XDH: variants seen among roughly 807,000 people sequenced by gnomAD.
XDH encodes xanthine dehydrogenase/oxidase.
In XDH, 138 loss-of-function variants were observed where a neutral mutation model predicts 156.1. The observed-to-expected ratio is 0.88, with a 90% CI of 0.77 to 1.02. The LOEUF is 1.02. Among genes scored for constraint, XDH ranks in the 50% least tolerant of loss-of-function variants. The probability of loss-of-function intolerance (pLI) is 0.00; values close to 1 mark genes in which losing one functional copy is unlikely to be tolerated. For synonymous variants in XDH, 669 were observed against 625.7 expected, an observed-to-expected ratio of 1.07 and a Z score of -1.03; for missense variants, 1,849 against 1,684.9, an observed-to-expected ratio of 1.10 and a Z score of -1.71.
chr2:31,398,282 G>A (rs1006467743), intron 5 of XDH, among the ~76,000 whole-genome samples: 1 of 152,174 alleles, frequency 6.6e-6, no homozygotes, highest in Non-Finnish European at 1.5e-5. Flanking sequence ...ACGTCTTCCT[G>A]CACCAGCCAT....
At chr2:31,400,836 G>T (rs191400984) in intron 4 of XDH, among the ~76,000 whole-genome samples, 99 of 152,292 alleles carry the variant, frequency 6.5e-4, no homozygotes, top group African/African-American at 2.1e-3. Context: ...TAAACAAGGG[G>T]CACAGATAAT....
chr2:31,350,312 C>T (rs981292570), intron 24 of XDH, 89 bp from the exon 25 acceptor site: 2 of 1,298,816 alleles, frequency 1.5e-6, no homozygotes, highest in South Asian at 1.2e-5. Flanking sequence ...GTATCCATTG[C>T]CTGCCTTTCC....
At chr2:31,405,493 A>ATGTTCC (rs1221649899) in intron 2 of XDH, among the ~76,000 whole-genome samples, 1 of 151,976 alleles carries the variant, frequency 6.6e-6, no homozygotes, top group Non-Finnish European at 1.5e-5. Flanking sequence ...CAATAGACAC[A>ATGTTCC]TGTTCCCTTG....
rs547746467 is a variant in XDH, at chr2:31,336,974, C to T, written c.3951+667G>A. Among the ~76,000 whole-genome samples the T allele has an allele frequency of 2.7e-5, 4 of 150,298 alleles. No individual in the cohort carries two copies. The East Asian group carries it at 8.0e-4, about 30-fold the overall frequency. On this transcript the variant is annotated intron_variant, in intron 35 of 35. Transcript: ENST00000379416. ...AGATCCCCAAAGCGGAAGCAACCGT[C>T]CTAGCAAAGTCTTCTTTTGTTAGGC...
rs890440731 is a variant in XDH, at chr2:31,335,063, A to C, written c.*895T>G. 6.6e-6 allele frequency: 1 copy of C among 152,042 alleles called. No homozygotes were observed. Among genetic ancestry groups the C allele is most frequent in the African/African-American group, 2.4e-5 (1 of 41,380 alleles). The allele number at this position is 152,042 out of a possible 1,614,324, so 9.4% of individuals were successfully genotyped here. On this transcript the variant is annotated 3_prime_UTR_variant, in exon 36 of 36. Transcript: ENST00000379416. Reference sequence around the variant, plus strand: ...TAAAAAAATTTTTTTTAAAGACAGGAGCTCTCTATGTTGCCCAGGCTGGTC... The same window carrying C: ...TAAAAAAATTTTTTTTAAAGACAGGCGCTCTCTATGTTGCCCAGGCTGGTC...
intron 2 of XDH, among the ~76,000 whole-genome samples, chr2:31,405,175 C>T (rs960500472): frequency 5.3e-5 from 8 of 152,156 alleles, no homozygotes; most frequent in East Asian, 1.9e-4. Flanking sequence ...GGGAGTGTTA[C>T]GCTTCCATGG....
Position 31,348,265 on chromosome 2 carries a change from C to A in XDH, c.3147+3G>T, listed in dbSNP as rs771022933. 6.2e-7 allele frequency: 1 copy of A among 1,613,902 alleles called. No individual in the cohort carries two copies. On this transcript the variant is annotated splice_donor_region_variant and intron_variant, in intron 28 of 35. Coordinates refer to ENST00000379416, the MANE Select transcript of XDH (RefSeq NM_000379.4). ...CACAACACTGCCAGAGAGGGCTGCT[C>A]ACCTGGACCATTTTGGTATGAAGGC...
At chr2:31,342,909 CA>C (rs1208523612) in intron 31 of XDH, among the ~76,000 whole-genome samples, 1 of 152,146 alleles carries the variant, frequency 6.6e-6, no homozygotes, top group Non-Finnish European at 1.5e-5. Flanking sequence ...GTACCTTATA[CA>C]ATTCCACTTT....
Position 31,366,929 on chromosome 2 carries a change from T to C in XDH, c.2263A>G (p.Lys755Glu), listed in dbSNP as rs2148768054. ...AGCTCCATCTCCCCTGCCTCGCCTT[T>C]TGGAACAGCAATGGTGCAGTGAGTC... ...LETHCTIAVP[K>E]GEAGEMELFV... Residue 755 changes from lysine to glutamate, a missense_variant, in exon 21 of 36, where the codon AAA becomes GAA. Coordinates refer to ENST00000379416, the MANE Select transcript of XDH (RefSeq NM_000379.4). 6.2e-7 allele frequency: 1 copy of C among 1,614,254 alleles called. No individual in the cohort carries two copies. Among genetic ancestry groups the C allele is most frequent in the South Asian group, 1.1e-5 (1 of 91,088 alleles).
intron 1 of XDH, among the ~76,000 whole-genome samples, chr2:31,407,657 A>G (rs1687229454): frequency 6.6e-6 from 1 of 152,210 alleles, no homozygotes; most frequent in Non-Finnish European, 1.5e-5. Flanking sequence ...GCCGGAAGCC[A>G]TCTTACAATA....
chr2:31,344,713 T>C lies in XDH; in HGVS notation c.3375A>G (p.Thr1125=), dbSNP rs45592238. The C allele has an allele frequency of 9.7e-4, 1,570 of 1,614,160 alleles. 26 individuals are homozygous for C. In the African/African-American group the frequency reaches 0.019, roughly 19 times the overall value. Reference sequence around the variant, plus strand: ...AAAACCCAGTGGCAGACAAGCTCACTGTGTCCATGTAGGCAGCTGTGACCT... The same window carrying C: ...AAAACCCAGTGGCAGACAAGCTCACCGTGTCCATGTAGGCAGCTGTGACCT... The part of the protein sequence containing the change: ...EDWVTAAYMD[T]VSLSATGFYR... The change falls in exon 31 of 36, where the codon ACA becomes ACG. Residue 1125 remains threonine (T), a synonymous_variant. Coordinates refer to ENST00000379416, the MANE Select transcript of XDH (RefSeq NM_000379.4).
intron 15 of XDH, among the ~76,000 whole-genome samples, chr2:31,374,700 C>T (rs1048959119): frequency 1.3e-5 from 2 of 152,184 alleles, no homozygotes; most frequent in Admixed American, 6.5e-5. Context: ...ACATCCTCTC[C>T]ACTTTGGGCT....
intron 18 of XDH, 52 bp from the exon 19 acceptor site, chr2:31,368,712 A>G: frequency 6.2e-7 from 1 of 1,614,180 alleles, no homozygotes; most frequent in Non-Finnish European, 8.5e-7. Flanking sequence ...ATGGTGAAAC[A>G]AATTATTTTT....
At position 31,344,414 on chromosome 2, in the gene XDH, G is replaced by T. The variant is rs560240085; in HGVS notation, c.3404+270C>A. ...GGGGAACAGGTTCAGCAGGACCACTGACTTCCTCTGGTGAAATTGTGCACC... is the reference window on the plus strand; with the variant it reads ...GGGGAACAGGTTCAGCAGGACCACTTACTTCCTCTGGTGAAATTGTGCACC... On this transcript the variant is annotated intron_variant, in intron 31 of 35. Coordinates refer to ENST00000379416, the MANE Select transcript of XDH (RefSeq NM_000379.4). Among the ~76,000 whole-genome samples the T allele has an allele frequency of 2.0e-5, 3 of 152,320 alleles. No individual in the cohort carries two copies. The South Asian group carries it at 6.2e-4, about 32-fold the overall frequency.
chr2:31,379,069 C>G (rs45491696), intron 13 of XDH, among the ~76,000 whole-genome samples: 3,835 of 152,310 alleles, frequency 0.025, 63 homozygotes, highest in Middle Eastern at 0.058. Context: ...AACCTTCACA[C>G]TCTCTCTGAC....
Position 31,375,572 on chromosome 2 carries a change from G to A in XDH, c.1428-18C>T, listed in dbSNP as rs373455425. The A allele has an allele frequency of 3.7e-5, 59 of 1,611,428 alleles. No individual in the cohort carries two copies. Among genetic ancestry groups the A allele is most frequent in the African/African-American group, 2.0e-4 (15 of 74,868 alleles). The stretch of plus-strand genomic sequence containing the variant: ...TCCAGAGCCTGCCAGAGAGCAGGGC[G>A]TGGGACAGCGCTCCCGCCCAGCCCT... On this transcript the variant is annotated intron_variant, in intron 14 of 35. Transcript: ENST00000379416.
intron 15 of XDH, among the ~76,000 whole-genome samples, chr2:31,375,015 CTTTCTTTCTTTT>C (rs1265964306): frequency 2.5e-3 from 281 of 111,620 alleles, no homozygotes; most frequent in Admixed American, 4.0e-3. Flanking sequence ...TTCTTTCTTT[CTTTCTTTCTTTT>C]TTTTTTTTTT....
chr2:31,384,902 T>G (rs1227885047), intron 9 of XDH, among the ~76,000 whole-genome samples: 1 of 152,228 alleles, frequency 6.6e-6, no homozygotes, highest in Non-Finnish European at 1.5e-5. Context: ...CTGCGTTGAC[T>G]GGAGGTGACT....
At chr2:31,396,565 G>A (rs1436098581) in intron 6 of XDH, among the ~76,000 whole-genome samples, 2 of 152,112 alleles carry the variant, frequency 1.3e-5, no homozygotes, top group Non-Finnish European at 2.9e-5. Context: ...ATATTCTAAT[G>A]AAATCACCTA....
Sources: allele counts gnomAD v4.1 joint callset (sites outside exome capture counted in the v4.1 genomes callset), GRCh38; gene constraint gnomAD v4.1.1; transcripts MANE v1.5; gene names NCBI Gene and HGNC (gene_info 2026-07-23, HGNC 2026-07-21).